Variants in CPNE4 observed in about 807,000 individuals in gnomAD.
CPNE4 encodes the protein copine-4.
A neutral mutation model predicts 67.9 loss-of-function variants in CPNE4; 25 were observed. The ratio of observed to expected loss-of-function variants is 0.37; its 90% CI spans 0.27 to 0.51. The LOEUF (loss-of-function observed/expected upper bound fraction) is 0.51, where lower values mean the gene tolerates loss of function less well. Among genes scored for constraint, CPNE4 ranks in the 20% least tolerant of loss-of-function variants. CPNE4 has a pLI of 0.93. For synonymous variants in CPNE4, 242 were observed against 244.9 expected (o/e 0.99, Z 0.11); for missense variants, 464 against 690.8 (o/e 0.67, Z 3.68).
chr3:131,803,010 G>C (rs918954940), intron 2 of CPNE4, among the ~76,000 whole-genome samples: 2 of 152,104 alleles, frequency 1.3e-5, no homozygotes, highest in African/African-American at 4.8e-5. Context: ...AAAATTTTAA[G>C]GTTAGTTTGT....
chr3:131,543,522 T>C (rs7641724), intron 14 of CPNE4, among the ~76,000 whole-genome samples: 1,896 of 152,320 alleles, frequency 0.012, 48 homozygotes, highest in African/African-American at 0.043. Context: ...GCTGTAAGTA[T>C]AAAATACATG....
At chr3:131,725,693 AAGCTGAC>A (rs1221492885) in intron 2 of CPNE4, among the ~76,000 whole-genome samples, 1 of 152,230 alleles carries the variant, frequency 6.6e-6, no homozygotes, top group Non-Finnish European at 1.5e-5. Flanking sequence ...CTGCAGGGAT[AAGCTGAC>A]TTGAAGGTAC....
intron 2 of CPNE4, among the ~76,000 whole-genome samples, chr3:131,750,224 T>A (rs2082591438): frequency 6.6e-6 from 1 of 152,180 alleles, no homozygotes; most frequent in Non-Finnish European, 1.5e-5. Flanking sequence ...ATACTTGAAG[T>A]TTCTCATAGA....
chr3:131,642,109 GAATT>G (rs1287136279), intron 7 of CPNE4, among the ~76,000 whole-genome samples: 12 of 152,026 alleles, frequency 7.9e-5, no homozygotes, highest in African/African-American at 2.9e-4. Context: ...CACCACTAAA[GAATT>G]TATTCATGTA....
chr3:131,898,568 T>C (rs1309866984), intron 2 of CPNE4, among the ~76,000 whole-genome samples: 1 of 152,130 alleles, frequency 6.6e-6, no homozygotes, highest in African/African-American at 2.4e-5. Flanking sequence ...AATTCTGTTC[T>C]CAGACATTAT....
intron 3 of CPNE4, among the ~76,000 whole-genome samples, chr3:131,701,697 T>G (rs186007420): frequency 6.6e-6 from 1 of 152,142 alleles, no homozygotes; most frequent in South Asian, 2.1e-4. Context: ...TTGAGATAAC[T>G]GCACCTTGAT....
chr3:132,038,228 C>A (rs902756486), upstream of CPNE4, among the ~76,000 whole-genome samples: 1 of 152,036 alleles, frequency 6.6e-6, no homozygotes, highest in South Asian at 2.1e-4. Flanking sequence ...TACTGGAAAG[C>A]AGAAAGGAAC....
intron 1 of CPNE4, among the ~76,000 whole-genome samples, chr3:131,922,335 A>C (rs1423930452): frequency 6.6e-6 from 1 of 152,184 alleles, no homozygotes; most frequent in African/African-American, 2.4e-5. Context: ...ATGGGCACCT[A>C]GGTTGATTCC....
At chr3:132,009,455 A>G (rs1005336443) in intron 1 of CPNE4, among the ~76,000 whole-genome samples, 2 of 152,212 alleles carry the variant, frequency 1.3e-5, no homozygotes, top group African/African-American at 4.8e-5. Context: ...CTGCCTAAGA[A>G]GAGGCACTTA....
At chr3:131,948,455 AT>A (rs766546350) in intron 1 of CPNE4, among the ~76,000 whole-genome samples, 100 of 152,330 alleles carry the variant, frequency 6.6e-4, no homozygotes, top group South Asian at 2.3e-3. Context: ...ATTAAAACTC[AT>A]TCCTTTATAA....
intron 2 of CPNE4, among the ~76,000 whole-genome samples, chr3:131,848,943 A>T (rs2086112685): frequency 7.7e-6 from 1 of 129,860 alleles, no homozygotes; most frequent in African/African-American, 2.9e-5. Flanking sequence ...TGGTGGAATG[A>T]CAGTAGTGAT....
At chr3:131,973,388 G>GTAA (rs960531389) in intron 1 of CPNE4, among the ~76,000 whole-genome samples, 7 of 152,028 alleles carry the variant, frequency 4.6e-5, no homozygotes, top group Non-Finnish European at 7.4e-5. Flanking sequence ...AATCAATGTA[G>GTAA]TAATAATAAT....
chr3:131,977,797 T>G (rs534777458), intron 1 of CPNE4, among the ~76,000 whole-genome samples: 30 of 151,910 alleles, frequency 2.0e-4, no homozygotes, highest in Admixed American at 7.9e-4. Context: ...CAGTATACAC[T>G]GCACCATATT....
At chr3:131,909,131 C>G (rs764215945) in intron 1 of CPNE4, among the ~76,000 whole-genome samples, 1 of 152,142 alleles carries the variant, frequency 6.6e-6, no homozygotes, top group Non-Finnish European at 1.5e-5. Context: ...TCTAAGAGCA[C>G]ACACTCATCT....
At chr3:131,783,244 G>C (rs2083470884) in intron 2 of CPNE4, among the ~76,000 whole-genome samples, 1 of 152,046 alleles carries the variant, frequency 6.6e-6, no homozygotes, top group Non-Finnish European at 1.5e-5. Context: ...CTAATTTTTA[G>C]TGCTTACAAT....
chr3:131,648,441 C>T (rs886974553), intron 7 of CPNE4, among the ~76,000 whole-genome samples: 1 of 152,176 alleles, frequency 6.6e-6, no homozygotes, highest in African/African-American at 2.4e-5. Context: ...TTCCCCATTA[C>T]ACTTTGAATG....
chr3:131,723,262 G>T (rs2081930406), intron 3 of CPNE4, among the ~76,000 whole-genome samples, 184 bp downstream of exon 3: 1 of 152,176 alleles, frequency 6.6e-6, no homozygotes, highest in African/African-American at 2.4e-5. Context: ...GTACAGACTT[G>T]CAGAATCATC....
intron 2 of CPNE4, among the ~76,000 whole-genome samples, chr3:131,804,710 C>A (rs2084249367): frequency 6.6e-6 from 1 of 152,196 alleles, no homozygotes; most frequent in Non-Finnish European, 1.5e-5. Flanking sequence ...TGTTCTAAAC[C>A]AAGGCCAGAA....
chr3:131,581,828 G>A (rs1181806126), intron 8 of CPNE4, among the ~76,000 whole-genome samples, 163 bp from the exon 9 acceptor site: 2 of 152,176 alleles, frequency 1.3e-5, no homozygotes, highest in African/African-American at 2.4e-5. Context: ...GGGAGTGGTT[G>A]AGAGTGATAC....
Sources: allele counts gnomAD v4.1 joint callset (sites outside exome capture counted in the v4.1 genomes callset), GRCh38; gene constraint gnomAD v4.1.1; transcripts MANE v1.5; gene names NCBI Gene and HGNC (gene_info 2026-07-23, HGNC 2026-07-21).